TAOK1: variants seen among roughly 807,000 people sequenced by gnomAD.
TAOK1 encodes serine/threonine-protein kinase TAO1.
TAOK1 carries 21 observed loss-of-function variants against 138.3 expected under a neutral mutation model. The ratio of observed to expected loss-of-function variants is 0.15; its 90% confidence interval spans 0.11 to 0.22. The LOEUF (loss-of-function observed/expected upper bound fraction) is 0.22. Among genes scored for constraint, TAOK1 ranks in the 10% least tolerant of loss-of-function variants. TAOK1 has a pLI of 1.00. For synonymous variants in TAOK1, 361 were observed against 398.4 expected (o/e 0.91, Z 1.12); for missense variants, 651 against 1,227.7 (o/e 0.53, Z 7.02).
At chr17:29,467,328 T>TA in intron 3 of TAOK1, 112 bp downstream of exon 3, 1 of 492,846 alleles carries the variant, frequency 2.0e-6, no homozygotes. Flanking sequence ...GGCTGGAGTG[T>TA]AGTGGTGCAA....
chr17:29,451,926 A>T (rs1865464182), intron 2 of TAOK1, among the ~76,000 whole-genome samples: 1 of 152,036 alleles, frequency 6.6e-6, no homozygotes, highest in Non-Finnish European at 1.5e-5. Context: ...AAAGAATATT[A>T]TTTTGTGGGC....
intron 1 of TAOK1, among the ~76,000 whole-genome samples, chr17:29,410,788 A>G (rs1202211611): frequency 4.0e-5 from 6 of 149,140 alleles, no homozygotes; most frequent in Non-Finnish European, 7.4e-5. Context: ...GGCGCCCACC[A>G]CCACGCCTGG....
chr17:29,404,695 C>T (rs1904944670), intron 1 of TAOK1, among the ~76,000 whole-genome samples: 1 of 151,946 alleles, frequency 6.6e-6, no homozygotes, highest in South Asian at 2.1e-4. Flanking sequence ...GAGGCTGAGG[C>T]AGGAGGATTG....
intron 10 of TAOK1, among the ~76,000 whole-genome samples, chr17:29,493,646 T>C (rs1420720610): frequency 6.6e-6 from 1 of 152,212 alleles, no homozygotes; most frequent in Non-Finnish European, 1.5e-5. Context: ...TTCATTTGCC[T>C]GGCCCCTAGT....
intron 18 of TAOK1, among the ~76,000 whole-genome samples, chr17:29,531,274 TTTTA>T (rs1200812717): frequency 6.6e-6 from 1 of 151,060 alleles, no homozygotes; most frequent in Admixed American, 6.6e-5. Flanking sequence ...GCTACAAATT[TTTTA>T]TTTATTTATT....
chr17:29,499,735 A>G (rs1397142518), intron 12 of TAOK1, among the ~76,000 whole-genome samples: 1 of 150,680 alleles, frequency 6.6e-6, no homozygotes, highest in Admixed American at 6.6e-5. Context: ...AATTTTTTGT[A>G]TTTTTAGTAG....
chr17:29,433,475 G>A (rs925707217), intron 1 of TAOK1, among the ~76,000 whole-genome samples: 12 of 144,346 alleles, frequency 8.3e-5, no homozygotes, highest in Non-Finnish European at 1.5e-4. Flanking sequence ...AGAAACTAAG[G>A]CAGCTCTGTT....
intron 2 of TAOK1, among the ~76,000 whole-genome samples, chr17:29,452,266 AAG>A (rs2030259332): frequency 6.6e-6 from 1 of 152,076 alleles, no homozygotes; most frequent in Non-Finnish European, 1.5e-5. Context: ...AAGAAAGAAA[AAG>A]AAAAAAATTT....
In TAOK1 at chr17:29,508,107, A is replaced by G. The variant is rs770983673; in HGVS notation, c.1550A>G (p.Lys517Arg). 1 of 1,614,112 alleles carries G rather than the reference A, an allele frequency of 6.2e-7. No individual in the cohort carries two copies. The highest frequency in any genetic ancestry group is 8.5e-7 in the Non-Finnish European group (1 of 1,179,954). ...FAAEMEKLIK[K>R]HQAAMEKEAK... is the part of the protein sequence containing the mutation. ...GCAGAAATGGAGAAACTTATCAAGA[A>G]ACACCAGGCTGCCATGGAGAAAGAG... Residue 517 changes from lysine to arginine, a missense_variant, in exon 14 of 20, where the codon AAA (lysine) becomes AGA (arginine). Lys to Arg is a conservative substitution (Grantham distance 26). This residue lies in a region of TAOK1 where 258 missense variants were observed against 548.9 expected (regional missense o/e 0.47). Coordinates refer to ENST00000261716, the MANE Select transcript of TAOK1 (RefSeq NM_020791.4).
In TAOK1 at chr17:29,547,000, G is replaced by A. The variant is rs949446477; in HGVS notation, c.*3978G>A. The A allele has an allele frequency of 1.3e-5, 2 of 152,106 alleles. No individual in the cohort carries two copies. The highest frequency in any genetic ancestry group is 4.8e-5 in the African/African-American group (2 of 41,430). The allele number at this position is 152,106 out of a possible 1,614,324, so 9.4% of individuals were successfully genotyped here. A position where few individuals can be genotyped will look rare whatever the true frequency, so the allele number is the denominator to read the frequency against. ...TCATAAGTTGCAATGCAGTAAAATGGTGCTGGGGAAGGAGCCAGTTAGTGT... is the reference window on the plus strand; with the variant it reads ...TCATAAGTTGCAATGCAGTAAAATGATGCTGGGGAAGGAGCCAGTTAGTGT... On this transcript the variant is annotated 3_prime_UTR_variant, in exon 20 of 20. Coordinates refer to ENST00000261716, the MANE Select transcript of TAOK1 (RefSeq NM_020791.4).
rs1019255506 is a variant in TAOK1, at chr17:29,390,442, C to G, written c.-677C>G. 6.6e-6 allele frequency: 1 copy of G among 152,504 alleles called. No individual in the cohort carries two copies. Among genetic ancestry groups the G allele is most frequent in the South Asian group, 2.1e-4 (1 of 4,842 alleles). 9.4% of individuals were successfully genotyped at this position (152,504 alleles called of 1,614,324 possible). ...CAAAGAGACTGAGTCGGTGCCGCCG[C>G]CTGCCTGAGGAGAGAGGAGGGGTCC... On this transcript the variant is annotated 5_prime_UTR_variant, in exon 1 of 20. Coordinates refer to ENST00000261716, the MANE Select transcript of TAOK1 (RefSeq NM_020791.4).
intron 16 of TAOK1, among the ~76,000 whole-genome samples, chr17:29,520,995 A>G (rs2031904880): frequency 6.6e-6 from 1 of 152,020 alleles, no homozygotes; most frequent in African/African-American, 2.4e-5. Context: ...ATTGCACTCC[A>G]AGCCTGGTCG....
At chr17:29,493,386 C>G (rs1441560678) in intron 10 of TAOK1, among the ~76,000 whole-genome samples, 1 of 151,218 alleles carries the variant, frequency 6.6e-6, no homozygotes, top group East Asian at 1.9e-4. Flanking sequence ...CCCAGCTACT[C>G]AGGAGGCTGA....
chr17:29,402,597 G>A (rs1409384728), intron 1 of TAOK1, among the ~76,000 whole-genome samples: 2 of 152,114 alleles, frequency 1.3e-5, no homozygotes, highest in East Asian at 3.8e-4. Flanking sequence ...GAGCCACCAT[G>A]CCTGGTTGAA....
intron 19 of TAOK1, among the ~76,000 whole-genome samples, chr17:29,535,527 C>T (rs1458700933): frequency 6.6e-6 from 1 of 152,020 alleles, no homozygotes; most frequent in African/African-American, 2.4e-5. Flanking sequence ...CCTATAGTTC[C>T]TGTGATAAAA....
chr17:29,416,071 T>C (rs935257546), intron 1 of TAOK1, among the ~76,000 whole-genome samples: 1 of 152,082 alleles, frequency 6.6e-6, no homozygotes, highest in African/African-American at 2.4e-5. Flanking sequence ...GAGACCAGCC[T>C]GGCCAACATG....
At chr17:29,523,306 T>C (rs991708111) in intron 17 of TAOK1, among the ~76,000 whole-genome samples, 4 of 152,094 alleles carry the variant, frequency 2.6e-5, no homozygotes, top group Admixed American at 1.3e-4. Context: ...GAAAAAGTTT[T>C]CTTCTCTGTG....
At position 29,522,390 on chromosome 17, in the gene TAOK1, G is replaced by A; in HGVS notation, c.2019G>A (p.Met673Ile). Residue 673 changes from methionine (M) to isoleucine (I), a missense_variant, in exon 17 of 20, where the codon ATG becomes ATA. Physicochemically the swap from Met to Ile is conservative, Grantham distance 10 (BLOSUM62 1). Coordinates refer to ENST00000261716, the MANE Select transcript of TAOK1 (RefSeq NM_020791.4). ...EFRHLNTIQK[M>I]RCELIRLQHQ... ...GCCACCTCAACACAATTCAGAAGATGCGCTGTGAGTTGATCAGATTACAGC... is the reference window on the plus strand; with the variant it reads ...GCCACCTCAACACAATTCAGAAGATACGCTGTGAGTTGATCAGATTACAGC... 1.2e-6 allele frequency: 2 copies of A among 1,614,178 alleles called. No homozygotes were observed. Among genetic ancestry groups the A allele is most frequent in the Non-Finnish European group, 1.7e-6 (2 of 1,180,040 alleles).
chr17:29,472,141 G>C (rs2559621), intron 3 of TAOK1, among the ~76,000 whole-genome samples: 100,305 of 152,094 alleles, frequency 0.66, 34,811 homozygotes, highest in East Asian at 0.97. Context: ...GCCCTCCCAT[G>C]AGTCGGAAAC....
Sources: allele counts gnomAD v4.1 joint callset (sites outside exome capture counted in the v4.1 genomes callset), GRCh38; gene constraint gnomAD v4.1.1; regional missense constraint gnomAD v4.1.1; transcripts MANE v1.5; gene names NCBI Gene and HGNC (gene_info 2026-07-23, HGNC 2026-07-21).